Variants in PRKN observed in about 807,000 individuals in gnomAD.
The protein encoded by PRKN is parkin RBR E3 ubiquitin protein ligase.
PRKN carries 56 observed loss-of-function variants against 59.5 expected under a neutral mutation model. The ratio of observed to expected loss-of-function variants is 0.94; its 90% CI spans 0.76 to 1.18. The LOEUF is 1.18. Among genes scored for constraint, PRKN ranks in the 50% most tolerant of loss-of-function variants. PRKN has a pLI of 0.00. For missense variants in PRKN, 657 were observed against 596.4 expected, an observed-to-expected ratio of 1.10 and a Z score of -1.06; for synonymous variants, 250 against 222.1, an observed-to-expected ratio of 1.13 and a Z score of -1.12.
chr6:162,376,874 G>T (rs528358174), intron 2 of PRKN, among the ~76,000 whole-genome samples: 2 of 123,574 alleles, frequency 1.6e-5, no homozygotes, highest in Non-Finnish European at 3.5e-5. Flanking sequence ...GGGAGGAAGA[G>T]GGGGAGAGGG....
chr6:161,901,316 C>A (rs149493379), intron 6 of PRKN, among the ~76,000 whole-genome samples: 2 of 152,120 alleles, frequency 1.3e-5, no homozygotes, highest in South Asian at 2.1e-4. Context: ...GTACTGAGTG[C>A]GAGGAAAAGC....
intron 10 of PRKN, among the ~76,000 whole-genome samples, chr6:161,384,767 C>T (rs959488565): frequency 6.6e-6 from 1 of 152,148 alleles, no homozygotes; most frequent in African/African-American, 2.4e-5. Context: ...AACTCTGACC[C>T]ATCTTCTGTG....
At chr6:162,385,454 G>A (rs201621461) in intron 2 of PRKN, among the ~76,000 whole-genome samples, 1 of 151,942 alleles carries the variant, frequency 6.6e-6, no homozygotes, top group Admixed American at 6.5e-5. Context: ...TTAACGGCTT[G>A]TAGAGCTAAT....
chr6:162,005,729 T>C (rs1338801703), intron 5 of PRKN, among the ~76,000 whole-genome samples: 1 of 152,176 alleles, frequency 6.6e-6, no homozygotes, highest in Non-Finnish European at 1.5e-5. Context: ...GTAGTTGAGA[T>C]ACAGAACTGC....
At chr6:162,354,624 A>G (rs1183156418) in intron 2 of PRKN, among the ~76,000 whole-genome samples, 2 of 152,088 alleles carry the variant, frequency 1.3e-5, no homozygotes, top group Non-Finnish European at 2.9e-5. Context: ...ACTATGGCCA[A>G]TTATATTTCC....
intron 7 of PRKN, among the ~76,000 whole-genome samples, chr6:161,705,963 T>G (rs1358810034): frequency 6.6e-6 from 1 of 152,018 alleles, no homozygotes; most frequent in African/African-American, 2.4e-5. Flanking sequence ...ACTAATCATA[T>G]GCTCCTCCTG....
chr6:161,411,416 C>G (rs1787535908), intron 9 of PRKN, among the ~76,000 whole-genome samples: 1 of 152,210 alleles, frequency 6.6e-6, no homozygotes, highest in Admixed American at 6.5e-5. Flanking sequence ...GATTGTGAGG[C>G]CTCCCCAGCC....
intron 1 of PRKN, among the ~76,000 whole-genome samples, chr6:162,726,707 T>C (rs896651240): frequency 6.6e-6 from 1 of 152,226 alleles, no homozygotes; most frequent in African/African-American, 2.4e-5. Context: ...ACTTCGAACG[T>C]ACTTACTGCA....
chr6:162,199,092 C>T (rs1301973147), intron 4 of PRKN, among the ~76,000 whole-genome samples: 2 of 152,170 alleles, frequency 1.3e-5, no homozygotes, highest in Non-Finnish European at 2.9e-5. Flanking sequence ...ATGAATTCCA[C>T]CTCACCCTTC....
chr6:162,587,404 G>A (rs1781108150), intron 1 of PRKN, among the ~76,000 whole-genome samples: 2 of 152,046 alleles, frequency 1.3e-5, no homozygotes, highest in African/African-American at 4.8e-5. Flanking sequence ...CCAAAGCACT[G>A]GGATTACAGG....
At chr6:162,000,649 T>C (rs1356250518) in intron 5 of PRKN, among the ~76,000 whole-genome samples, 1 of 152,108 alleles carries the variant, frequency 6.6e-6, no homozygotes, top group Non-Finnish European at 1.5e-5. Context: ...AGGTTTTGTA[T>C]TGTAATAAAA....
chr6:162,642,085 T>C (rs1777986120), intron 1 of PRKN, among the ~76,000 whole-genome samples: 1 of 152,236 alleles, frequency 6.6e-6, no homozygotes, highest in African/African-American at 2.4e-5. Flanking sequence ...TTCCTTGTCA[T>C]AATTCCTCCT....
chr6:162,142,269 C>A (rs915984570), intron 4 of PRKN, among the ~76,000 whole-genome samples: 4 of 152,168 alleles, frequency 2.6e-5, no homozygotes, highest in African/African-American at 9.7e-5. Context: ...CAGATGCTAG[C>A]CCTGGCTCAT....
chr6:161,716,018 G>T, intron 7 of PRKN: 1 of 939,504 alleles, frequency 1.1e-6, no homozygotes, highest in East Asian at 5.1e-5. Flanking sequence ...AAGCTCTTCT[G>T]GGGAATTGGA....
At position 161,446,094 on chromosome 6, in the gene PRKN, T is replaced by A. The variant is rs1478311366; in HGVS notation, c.1084-59217A>T. Among the ~76,000 whole-genome samples, 1 of 150,640 alleles carries A rather than the reference T, an allele frequency of 6.6e-6. No homozygotes were observed. The highest frequency in any genetic ancestry group is 1.5e-5 in the Non-Finnish European group (1 of 67,728). ...TGGCACATGCCTATGGTCCCAGGTA[T>A]CTGGAGCATGGGGTGGTGGTGGGGT... On this transcript the variant is annotated intron_variant, in intron 9 of 11. Transcript: ENST00000366898. The surrounding 1 kb of genome is among the most constrained non-coding windows in gnomAD (Gnocchi z 6.2).
At chr6:162,292,349 C>A (rs973605990) in intron 2 of PRKN, among the ~76,000 whole-genome samples, 1 of 152,128 alleles carries the variant, frequency 6.6e-6, no homozygotes, top group South Asian at 2.1e-4. Flanking sequence ...CATAAAGGAG[C>A]AGAATATTTC....
chr6:162,301,780 GGGC>G (rs150266668), intron 2 of PRKN, among the ~76,000 whole-genome samples: 3,692 of 65,664 alleles, frequency 0.056, 358 homozygotes, highest in South Asian at 0.094. Context: ...AAATTGGCCG[GGGC>G]GGGGGGGGGG....
At chr6:162,040,845 T>G (rs1000892481) in intron 5 of PRKN, among the ~76,000 whole-genome samples, 4 of 151,304 alleles carry the variant, frequency 2.6e-5, no homozygotes, top group Non-Finnish European at 5.9e-5. Flanking sequence ...AGAACAGTAG[T>G]GAGGAAGAAA....
intron 4 of PRKN, among the ~76,000 whole-genome samples, chr6:162,122,788 C>T (rs562390663): frequency 1.3e-5 from 2 of 151,768 alleles, no homozygotes; most frequent in Admixed American, 6.6e-5. Flanking sequence ...CTTATATATG[C>T]GCTGACCCAG....
Sources: allele counts gnomAD v4.1 joint callset (sites outside exome capture counted in the v4.1 genomes callset), GRCh38; gene constraint gnomAD v4.1.1; non-coding constraint Gnocchi (gnomAD v3.1); transcripts MANE v1.5; gene names NCBI Gene and HGNC (gene_info 2026-07-23, HGNC 2026-07-21).